The following TMEM178B variants were observed in gnomAD, a reference collection of about 807,000 sequenced individuals.
TMEM178B encodes the protein transmembrane protein 178B.
A neutral mutation model predicts 31.0 loss-of-function variants in TMEM178B; 5 were observed. That is an observed-to-expected ratio of 0.16 (90% CI 0.08 to 0.34). The LOEUF is 0.34. TMEM178B is among the 10% of genes least tolerant of loss of function. TMEM178B has a pLI of 1.00. For missense variants in TMEM178B, 275 were observed against 400.3 expected (o/e 0.69, Z 2.67); for synonymous variants, 164 against 164.0 (o/e 1.00, Z 0.00).
In TMEM178B at chr7:141,292,055, G is replaced by A. The variant is rs190930722; in HGVS notation, c.496+79351G>A. Among the ~76,000 whole-genome samples the A allele has an allele frequency of 4.5e-4, 68 of 151,670 alleles. No individual in the cohort carries two copies. In the East Asian group the frequency reaches 9.0e-3, roughly 20 times the overall value. On this transcript the variant is annotated intron_variant, in intron 2 of 3. Coordinates refer to ENST00000565468, the MANE Select transcript of TMEM178B (RefSeq NM_001195278.2). ...ATTCTGCTTTGTCAGGTTACAAATA[G>A]CCATCCTGTGCCTCATGGGAGGGAG...
At chr7:141,435,405 G>GGGA (rs1411700227) in intron 2 of TMEM178B, among the ~76,000 whole-genome samples, 26 of 152,262 alleles carry the variant, frequency 1.7e-4, no homozygotes, top group African/African-American at 6.3e-4. Context: ...TAGAAGCATT[G>GGGA]GTAGTAGAGT....
At chr7:141,336,941 A>C (rs1389021783) in intron 2 of TMEM178B, among the ~76,000 whole-genome samples, 2 of 129,950 alleles carry the variant, frequency 1.5e-5, no homozygotes, top group Admixed American at 7.6e-5. Flanking sequence ...CATCACCACC[A>C]CCATCACCAC....
chr7:141,222,089 T>C (rs538324225), intron 2 of TMEM178B, among the ~76,000 whole-genome samples: 1 of 152,072 alleles, frequency 6.6e-6, no homozygotes, highest in African/African-American at 2.4e-5. Context: ...GGATGGGAGA[T>C]GGAATATAGC....
chr7:141,209,273 T>C (rs570253969), intron 1 of TMEM178B, among the ~76,000 whole-genome samples: 2 of 152,324 alleles, frequency 1.3e-5, no homozygotes, highest in African/African-American at 4.8e-5. Context: ...CCAAGTACAT[T>C]GAGACACTGT....
intron 2 of TMEM178B, among the ~76,000 whole-genome samples, chr7:141,376,618 C>T (rs1800218933): frequency 6.6e-6 from 1 of 152,124 alleles, no homozygotes; most frequent in African/African-American, 2.4e-5. Flanking sequence ...GATAGAGAAA[C>T]AAGCTCAGCA....
At chr7:141,159,320 A>C (rs972723156) in intron 1 of TMEM178B, among the ~76,000 whole-genome samples, 2 of 152,186 alleles carry the variant, frequency 1.3e-5, no homozygotes, top group African/African-American at 4.8e-5. Flanking sequence ...TCACCTGCTC[A>C]AAACTGTCAA....
chr7:141,264,700 C>T (rs1798066531), intron 2 of TMEM178B, among the ~76,000 whole-genome samples: 2 of 152,196 alleles, frequency 1.3e-5, no homozygotes, highest in African/African-American at 2.4e-5. Flanking sequence ...TCTTAACCTT[C>T]AGGACTGAGA....
chr7:141,274,022 C>T (rs1213817776), intron 2 of TMEM178B, among the ~76,000 whole-genome samples: 1 of 152,234 alleles, frequency 6.6e-6, no homozygotes, highest in East Asian at 1.9e-4. Flanking sequence ...ATTTGCTCTT[C>T]AGCAAACTGA....
chr7:141,380,771 C>T (rs1800300816), intron 2 of TMEM178B, among the ~76,000 whole-genome samples: 1 of 152,156 alleles, frequency 6.6e-6, no homozygotes, highest in Non-Finnish European at 1.5e-5. Flanking sequence ...CAGTCATTCT[C>T]AGCTATAGTA....
At chr7:141,108,936 G>A (rs1236178025) in intron 1 of TMEM178B, among the ~76,000 whole-genome samples, 1 of 152,192 alleles carries the variant, frequency 6.6e-6, no homozygotes, top group Non-Finnish European at 1.5e-5. Context: ...CACAATCATG[G>A]TGGGAGGTGA....
intron 1 of TMEM178B, among the ~76,000 whole-genome samples, chr7:141,192,610 G>A (rs540211401): frequency 5.9e-5 from 9 of 152,042 alleles, no homozygotes; most frequent in African/African-American, 1.9e-4. Context: ...GACTACAGGC[G>A]CTTGCCACCA....
chr7:141,175,119 A>C (rs1390911776), intron 1 of TMEM178B, among the ~76,000 whole-genome samples: 1 of 152,122 alleles, frequency 6.6e-6, no homozygotes, highest in Non-Finnish European at 1.5e-5. Flanking sequence ...TCTTTAATCC[A>C]TCTTGAGTTA....
intron 2 of TMEM178B, among the ~76,000 whole-genome samples, chr7:141,310,150 A>G (rs1000041331): frequency 2.0e-5 from 3 of 152,242 alleles, no homozygotes; most frequent in Admixed American, 1.3e-4. Flanking sequence ...TGAAGAGACA[A>G]CCTACAGAAT....
chr7:141,131,143 A>G (rs2129177737), intron 1 of TMEM178B, among the ~76,000 whole-genome samples: 1 of 152,316 alleles, frequency 6.6e-6, no homozygotes, highest in Admixed American at 6.5e-5. Context: ...GAATCTCAGA[A>G]GGCATTTGCT....
chr7:141,431,603 TGAG>T (rs1259036262), intron 2 of TMEM178B, among the ~76,000 whole-genome samples: 2 of 152,224 alleles, frequency 1.3e-5, no homozygotes, highest in East Asian at 1.9e-4. Flanking sequence ...ACATGATTCG[TGAG>T]GAGATTTTTC....
chr7:141,141,600 A>G lies in TMEM178B; in HGVS notation c.382+66908A>G, dbSNP rs531143031. On this transcript the variant is annotated intron_variant, in intron 1 of 3. Coordinates refer to ENST00000565468, the MANE Select transcript of TMEM178B (RefSeq NM_001195278.2). ...TGTCAGCTCCATGAGTTCAGGTGCT[A>G]TGTTTCACCCACAGTGCCTAATACA... Among the ~76,000 whole-genome samples the G allele has an allele frequency of 4.6e-5, 7 of 152,310 alleles. No homozygotes were observed. The East Asian group carries it at 9.6e-4, about 21-fold the overall frequency.
chr7:141,406,096 C>G (rs1223022550), intron 2 of TMEM178B, among the ~76,000 whole-genome samples: 1 of 152,236 alleles, frequency 6.6e-6, no homozygotes, highest in African/African-American at 2.4e-5. Flanking sequence ...CACATCTGTT[C>G]ACTGCACATT....
chr7:141,333,766 C>T (rs13438169), intron 2 of TMEM178B, among the ~76,000 whole-genome samples: 1 of 152,150 alleles, frequency 6.6e-6, no homozygotes, highest in Non-Finnish European at 1.5e-5. Flanking sequence ...GGGTGGAGGG[C>T]GGAGAATGGT....
At chr7:141,139,872 T>C (rs1162983790) in intron 1 of TMEM178B, among the ~76,000 whole-genome samples, 1 of 151,952 alleles carries the variant, frequency 6.6e-6, no homozygotes, top group Non-Finnish European at 1.5e-5. Flanking sequence ...TTCAAGCGAT[T>C]CTCCTGCCTC....
Sources: gnomAD v4.1 joint callset for allele counts (sites outside exome capture counted in the v4.1 genomes callset) on GRCh38, gnomAD v4.1.1 for gene constraint, MANE v1.5 for transcripts, NCBI Gene and HGNC (gene_info 2026-07-23, HGNC 2026-07-21) for gene names.